Variants in DEAF1 observed in about 807,000 individuals in gnomAD.
DEAF1 encodes the protein deformed epidermal autoregulatory factor 1 homolog.
A neutral mutation model predicts 58.9 loss-of-function variants in DEAF1; 53 were observed. The observed-to-expected ratio is 0.90, with a 90% CI of 0.72 to 1.13. The LOEUF is 1.13. Ranked by LOEUF, DEAF1 falls within the 50% of genes most tolerant of loss-of-function variation. The pLI is 0.00. For missense variants in DEAF1, 685 were observed against 791.4 expected (o/e 0.87, Z 1.61); for synonymous variants, 385 against 340.4 (o/e 1.13, Z -1.44).
chr11:677,122 C>A (rs1860117889), intron 9 of DEAF1, among the ~76,000 whole-genome samples: 1 of 148,944 alleles, frequency 6.7e-6, no homozygotes, highest in Admixed American at 6.7e-5. Flanking sequence ...ACACCCACCC[C>A]ACACTTTTTT....
At chr11:651,414 GAAAAAA>G in intron 11 of DEAF1, 1 of 234,332 alleles carries the variant, frequency 4.3e-6, no homozygotes, top group South Asian at 3.3e-5. Context: ...ATCTCTGTAA[GAAAAAA>G]AAAAAAAAAA....
chr11:697,118 C>G (rs983678087), upstream of DEAF1, among the ~76,000 whole-genome samples: 15 of 139,508 alleles, frequency 1.1e-4, no homozygotes, highest in Non-Finnish European at 1.4e-4. Context: ...AAAAAAATTA[C>G]CTCAGGGAGC....
chr11:673,163 A>C (rs1859904025), intron 10 of DEAF1, among the ~76,000 whole-genome samples: 1 of 152,148 alleles, frequency 6.6e-6, no homozygotes, highest in Non-Finnish European at 1.5e-5. Flanking sequence ...AATAAAATAA[A>C]GTAAAATAAA....
intron 11 of DEAF1, among the ~76,000 whole-genome samples, chr11:645,715 A>G (rs565624638): frequency 6.6e-6 from 1 of 152,342 alleles, no homozygotes; most frequent in East Asian, 1.9e-4. Context: ...GAGAAGCCAC[A>G]GCTCCTGTGA....
At chr11:663,406 C>A (rs1859398182) in intron 10 of DEAF1, among the ~76,000 whole-genome samples, 1 of 152,232 alleles carries the variant, frequency 6.6e-6, no homozygotes, top group African/African-American at 2.4e-5. Context: ...CGAGATTCTG[C>A]CACTGCACTC....
At chr11:659,490 A>C (rs7933080) in intron 10 of DEAF1, among the ~76,000 whole-genome samples, 2 of 152,050 alleles carry the variant, frequency 1.3e-5, no homozygotes, top group African/African-American at 4.8e-5. Flanking sequence ...TGTATCTTAC[A>C]AGGAGTGCTT....
chr11:684,924 C>A lies in DEAF1; in HGVS notation c.844G>T (p.Ala282Ser), dbSNP rs1436164599. 6.4e-7 allele frequency: 1 copy of A among 1,551,616 alleles called. No individual in the cohort carries two copies. The highest frequency in any genetic ancestry group is 8.7e-7 in the Non-Finnish European group (1 of 1,146,994). ...LNPHAASCTC[A>S]ACCDDMTLSG... ...AAGGTCATGTCGTCGCAGCAGGCAG[C>A]ACAGGTGCAAGAGGCAGCGTGAGGG... Residue 282 changes from alanine (A) to serine (S), a missense_variant, in exon 6 of 12, where the codon GCT becomes TCT. This residue lies in a region of DEAF1 where 132 missense variants were observed against 234.3 expected (regional missense o/e 0.56). Transcript: ENST00000382409.
intron 10 of DEAF1, among the ~76,000 whole-genome samples, chr11:664,192 A>C (rs746952520): frequency 2.4e-4 from 37 of 152,228 alleles, no homozygotes; most frequent in Non-Finnish European, 4.6e-4. Flanking sequence ...CAGCCTGGGC[A>C]ACAAGAGCGA....
At chr11:692,291 C>G (rs770872074) in intron 1 of DEAF1, 11 of 159,554 alleles carry the variant, frequency 6.9e-5, no homozygotes, top group Non-Finnish European at 1.4e-4. Flanking sequence ...CCTGTCATCC[C>G]AGATAGGTCC....
chr11:649,747 C>A (rs2133276279), intron 11 of DEAF1, among the ~76,000 whole-genome samples: 1 of 150,080 alleles, frequency 6.7e-6, no homozygotes, highest in South Asian at 2.1e-4. Context: ...AGGCCGAGTT[C>A]CAGTGCGGTG....
At chr11:683,957 C>T (rs1314537336) in intron 6 of DEAF1, among the ~76,000 whole-genome samples, 6 of 152,160 alleles carry the variant, frequency 3.9e-5, no homozygotes, top group Non-Finnish European at 8.8e-5. Context: ...ACTCCTGCAG[C>T]GTCTCTAAGA....
chr11:670,823 G>A (rs1336332743), intron 10 of DEAF1, among the ~76,000 whole-genome samples: 1 of 138,298 alleles, frequency 7.2e-6, no homozygotes, highest in Admixed American at 7.3e-5. Flanking sequence ...TGTTGCCCAG[G>A]CTGGAGTACA....
In DEAF1 at chr11:679,699, G is replaced by A. The variant is rs770441280; in HGVS notation, c.1115C>T (p.Ala372Val). 8 of 1,612,480 alleles carry A rather than the reference G, an allele frequency of 5.0e-6. No individual in the cohort carries two copies. The highest frequency in any genetic ancestry group is 6.8e-6 in the Non-Finnish European group (8 of 1,180,042). Residue 372 changes from alanine (A) to valine (V), a missense_variant, in exon 8 of 12, where the codon GCA (alanine) becomes GTA (valine). Ala to Val is a moderately conservative substitution (Grantham distance 64). This residue lies in a region of DEAF1 where 343 missense variants were observed against 379.8 expected (regional missense o/e 0.90). Transcript: ENST00000382409. ...CTGGAGCAGCTCACCTGTGGCCCCT[G>A]CGAAGACGTCGCCCTGGGCCGGACT... ...SESPAQGDVF[A>V]GATVQEASVQ...
At chr11:703,665 G>A in intron 1 of DEAF1, 3 of 1,232,486 alleles carry the variant, frequency 2.4e-6, no homozygotes, top group Non-Finnish European at 3.0e-6. Flanking sequence ...TGTGCTCTGA[G>A]CAACCCCAGC....
rs377569400 is a variant in DEAF1, at chr11:688,965, C to T, written c.388-505G>A. ...ATCAGCCTTCAGGCGGCACAGACCC[C>T]GCCACAGGAAGCCAGAGTCTCCATG... On this transcript the variant is annotated intron_variant, in intron 2 of 11. Coordinates refer to ENST00000382409, the MANE Select transcript of DEAF1 (RefSeq NM_021008.4). This position sits in a 1 kb window ranked among gnomAD's most constrained non-coding sequence, Gnocchi z 4.3. Among the ~76,000 whole-genome samples, 116 of 152,232 alleles carry T rather than the reference C, an allele frequency of 7.6e-4. No individual in the cohort carries two copies. Among genetic ancestry groups the T allele is most frequent in the African/African-American group, 2.7e-3 (113 of 41,514 alleles).
chr11:703,063 G>A (rs369385957), intron 1 of DEAF1: 9 of 1,612,708 alleles, frequency 5.6e-6, no homozygotes, highest in East Asian at 2.2e-5. Flanking sequence ...TGTTGTGGGC[G>A]GACTGGGCCC....
At position 694,961 on chromosome 11, in the gene DEAF1, GGCCGCCGCCGCCACAGCGGCCGCGGCC is replaced by G. The variant is rs769664625; in HGVS notation, c.60_86del (p.Val25_Ala33del). On this transcript the variant is annotated inframe_deletion, in exon 1 of 12. Coordinates refer to ENST00000382409, the MANE Select transcript of DEAF1 (RefSeq NM_021008.4). ...CCGCCTCGCCTCCTGCCGCGGCCGC[GGCCGCCGCCGCCACAGCGGCCGCGGCC>G]GCCACCGCCGCCGCCTCAGCCAGGC... 7.3e-4 allele frequency: 842 copies of G among 1,157,436 alleles called. 71 individuals are homozygous for G. The highest frequency in any genetic ancestry group is 1.5e-3 in the Admixed American group (32 of 21,738). 71.7% of individuals were successfully genotyped at this position (1,157,436 alleles called of 1,614,324 possible).
chr11:700,428 G>A (rs553683868), intron 1 of DEAF1, among the ~76,000 whole-genome samples: 2 of 152,078 alleles, frequency 1.3e-5, no homozygotes, highest in Non-Finnish European at 2.9e-5. Context: ...TCGGGAGACT[G>A]AGGTGGGAGG....
At chr11:679,206 T>C (rs1220441684) in intron 8 of DEAF1, among the ~76,000 whole-genome samples, 1 of 151,720 alleles carries the variant, frequency 6.6e-6, no homozygotes, top group Non-Finnish European at 1.5e-5. Flanking sequence ...TCCCAGCTAC[T>C]TGGGAGGCTG....
Sources: gnomAD v4.1 joint callset for allele counts (sites outside exome capture counted in the v4.1 genomes callset) on GRCh38, gnomAD v4.1.1 for gene constraint, gnomAD v4.1.1 regional missense constraint, Gnocchi (gnomAD v3.1) non-coding constraint, MANE v1.5 for transcripts, NCBI Gene and HGNC (gene_info 2026-07-23, HGNC 2026-07-21) for gene names.